Variants in LRBA observed in about 807,000 individuals in gnomAD.
LRBA encodes the protein LPS responsive beige-like anchor protein, also known as lipopolysaccharide-responsive and beige-like anchor protein.
Under a neutral mutation model 330.0 loss-of-function variants are expected in LRBA, and 176 were observed. The ratio of observed to expected loss-of-function variants is 0.53; its 90% CI spans 0.47 to 0.60. The LOEUF is 0.60. LRBA is among the 20% of genes least tolerant of loss of function. LRBA has a pLI of 0.00. For synonymous variants in LRBA, 1,230 were observed against 1,193.0 expected (o/e 1.03, Z -0.64); for missense variants, 3,259 against 3,444.8 (o/e 0.95, Z 1.35).
intron 2 of LRBA, among the ~76,000 whole-genome samples, chr4:150,953,892 G>A (rs1352779236): frequency 6.7e-6 from 1 of 150,360 alleles, no homozygotes; most frequent in Non-Finnish European, 1.5e-5. Context: ...CCTCTTCCCG[G>A]CCGTCATCCC....
chr4:150,665,691 C>T (rs534443834), intron 37 of LRBA, among the ~76,000 whole-genome samples: 9 of 152,290 alleles, frequency 5.9e-5, no homozygotes, highest in Admixed American at 1.3e-4. Context: ...TATTGTAATG[C>T]ACTTCAGATT....
In LRBA at chr4:150,879,037, C is replaced by G. The variant is rs116692562; in HGVS notation, c.2166-6282G>C. 6.3e-3 allele frequency among the ~76,000 whole-genome samples: 956 copies of G among 152,128 alleles called. 11 individuals carry two copies. Among genetic ancestry groups the G allele is most frequent in the African/African-American group, 0.022 (909 of 41,514 alleles). ...CTTATTTTACAAAGCCGGCATCACC[C>G]TGATACCAAAACCCAGCAGAGACAC... On this transcript the variant is annotated intron_variant, in intron 17 of 56. Transcript: ENST00000651943.
chr4:150,276,259 T>G (rs1746748989), intron 56 of LRBA, among the ~76,000 whole-genome samples: 1 of 152,172 alleles, frequency 6.6e-6, no homozygotes, highest in Non-Finnish European at 1.5e-5. Context: ...GACCCCTTCC[T>G]TACACCTTAT....
At chr4:150,364,564 C>T (rs1231187318) in intron 47 of LRBA, among the ~76,000 whole-genome samples, 2 of 152,138 alleles carry the variant, frequency 1.3e-5, no homozygotes, top group Non-Finnish European at 2.9e-5. Context: ...ACATGGATTA[C>T]TTTTCATTGG....
At position 150,761,802 on chromosome 4, in the gene LRBA, C is replaced by A; in HGVS notation, c.5626G>T (p.Glu1876Ter). Residue 1876 changes from glutamate to a stop codon, truncating the protein, a stop_gained, in exon 35 of 57, where the codon GAA becomes TAA. Transcript: ENST00000651943. LOFTEE classifies it high-confidence loss of function. The stretch of plus-strand genomic sequence containing the variant: ...AATTACCTTCCTTCATTGACAAGTT[C>A]GATAAAAGCAAGGCCTGCATTCTTC... ...IQKNAGLAFI[E>*]LVNEGRLLSQ... is the part of the protein sequence containing the mutation. 1 of 1,543,568 alleles carries A rather than the reference C, an allele frequency of 6.5e-7. No individual in the cohort carries two copies. The highest frequency in any genetic ancestry group is 2.2e-5 in the Admixed American group (1 of 45,728).
intron 40 of LRBA, among the ~76,000 whole-genome samples, chr4:150,531,132 A>G (rs1314197407): frequency 6.6e-6 from 1 of 152,232 alleles, no homozygotes; most frequent in Non-Finnish European, 1.5e-5. Flanking sequence ...ACATAAGATC[A>G]AGGACTTTTG....
At chr4:150,579,731 A>G (rs1383825646) in intron 40 of LRBA, 2 of 456,384 alleles carry the variant, frequency 4.4e-6, no homozygotes, top group South Asian at 1.5e-5. Flanking sequence ...GCCCCACCCG[A>G]GAGAAGAGGA....
At chr4:150,339,836 TC>T (rs1735257373) in intron 48 of LRBA, among the ~76,000 whole-genome samples, 1 of 143,266 alleles carries the variant, frequency 7.0e-6, no homozygotes, top group Admixed American at 6.9e-5. Flanking sequence ...TTTACGTTGC[TC>T]CTTTTCCTTT....
chr4:150,968,591 G>A (rs1486929421), intron 2 of LRBA, among the ~76,000 whole-genome samples: 1 of 152,188 alleles, frequency 6.6e-6, no homozygotes, highest in Non-Finnish European at 1.5e-5. Flanking sequence ...TGGGAGAGGT[G>A]AGTAAGCTGT....
intron 2 of LRBA, among the ~76,000 whole-genome samples, chr4:150,955,930 C>T (rs1341450925): frequency 6.7e-6 from 1 of 148,396 alleles, no homozygotes; most frequent in Non-Finnish European, 1.5e-5. Flanking sequence ...ATCTTAAACC[C>T]TACAAAAGAA....
intron 29 of LRBA, among the ~76,000 whole-genome samples, chr4:150,831,343 T>C (rs2126824706): frequency 6.6e-6 from 1 of 152,310 alleles, no homozygotes; most frequent in South Asian, 2.1e-4. Flanking sequence ...GTCATGAATA[T>C]ATACCCAAGT....
At chr4:150,805,886 C>T (rs753216044) in intron 33 of LRBA, among the ~76,000 whole-genome samples, 3 of 152,058 alleles carry the variant, frequency 2.0e-5, no homozygotes, top group Admixed American at 6.6e-5. Context: ...ATTTGTAAAA[C>T]AGAATTCTAC....
chr4:150,849,318 T>C lies in LRBA; in HGVS notation c.4158+104A>G, dbSNP rs534414338. ...AAAAGATCCTATTGTTTTTTATTTA[T>C]AGCACCTACGATGCATAGTAACCAC... On this transcript the variant is annotated intron_variant, in intron 25 of 56. Transcript: ENST00000651943. 7.3e-6 allele frequency: 7 copies of C among 953,878 alleles called. No individual in the cohort carries two copies. The East Asian group carries it at 1.7e-4, about 23-fold the overall frequency. The allele number at this position is 953,878 out of a possible 1,614,324, so 59.1% of individuals were successfully genotyped here. A position where few individuals can be genotyped will look rare whatever the true frequency, so the allele number is the denominator to read the frequency against.
At chr4:150,893,311 C>T (rs1428693222) in intron 16 of LRBA, among the ~76,000 whole-genome samples, 162 bp from the exon 17 acceptor site, 4 of 152,092 alleles carry the variant, frequency 2.6e-5, no homozygotes, top group African/African-American at 4.8e-5. Context: ...TGTAAACATT[C>T]ACCTCTGTAA....
At chr4:150,816,701 A>T (rs1004694625) in intron 31 of LRBA, among the ~76,000 whole-genome samples, 3 of 152,010 alleles carry the variant, frequency 2.0e-5, no homozygotes, top group African/African-American at 7.2e-5. Context: ...GACACTATAT[A>T]AATATTTTTT....
chr4:150,687,727 C>A (rs555885480), intron 36 of LRBA, among the ~76,000 whole-genome samples: 1 of 152,142 alleles, frequency 6.6e-6, no homozygotes, highest in African/African-American at 2.4e-5. Context: ...TGAATAGAGA[C>A]AATATTTAAT....
At chr4:150,401,122 G>A (rs1341347982) in intron 47 of LRBA, among the ~76,000 whole-genome samples, 1 of 152,216 alleles carries the variant, frequency 6.6e-6, no homozygotes, top group Non-Finnish European at 1.5e-5. Flanking sequence ...ACCTTGTGAA[G>A]ACCGAGGTTA....
chr4:150,708,663 T>C (rs1001148118), intron 36 of LRBA, among the ~76,000 whole-genome samples: 2 of 151,804 alleles, frequency 1.3e-5, no homozygotes, highest in African/African-American at 2.4e-5. Flanking sequence ...ACATGTTTTA[T>C]AAAATGCTAG....
At chr4:150,427,508 C>T (rs1375789213) in intron 46 of LRBA, among the ~76,000 whole-genome samples, 1 of 151,516 alleles carries the variant, frequency 6.6e-6, no homozygotes, top group Non-Finnish European at 1.5e-5. Flanking sequence ...GTATAAAAAG[C>T]AAGGATAAAC....
Sources: gnomAD v4.1 joint callset for allele counts (sites outside exome capture counted in the v4.1 genomes callset) on GRCh38, gnomAD v4.1.1 for gene constraint, MANE v1.5 for transcripts, NCBI Gene and HGNC (gene_info 2026-07-23, HGNC 2026-07-21) for gene names.